OCA2: variants seen among roughly 807,000 people sequenced by gnomAD.
OCA2 encodes the protein P protein.
A neutral mutation model predicts 100.2 loss-of-function variants in OCA2; 77 were observed. That is an observed-to-expected ratio of 0.77 (90% CI 0.64 to 0.93). The LOEUF (loss-of-function observed/expected upper bound fraction) is 0.93, where lower values mean the gene tolerates loss of function less well. Among genes scored for constraint, OCA2 ranks in the 40% least tolerant of loss-of-function variants. The pLI is 0.00. For synonymous variants in OCA2, 432 were observed against 439.2 expected (o/e 0.98, Z 0.21); for missense variants, 1,062 against 1,089.1 (o/e 0.98, Z 0.35).
At chr15:28,085,867 C>T (rs930403318) in intron 1 of OCA2, among the ~76,000 whole-genome samples, 11 of 152,194 alleles carry the variant, frequency 7.2e-5, no homozygotes, top group Non-Finnish European at 1.3e-4. Flanking sequence ...AGCCTGCCCC[C>T]AGCCAAAGGA....
At position 27,845,179 on chromosome 15, in the gene OCA2, C is replaced by T. The variant is rs187389297; in HGVS notation, c.2339-127G>A. ...ATTATTATTTTATAGTCAAAGTGAC[C>T]GCTTTGTAAATATCTGGAAACACAC... is the stretch of plus-strand genomic sequence containing the variant. On this transcript the variant is annotated intron_variant, in intron 22 of 23. Coordinates refer to ENST00000354638, the MANE Select transcript of OCA2 (RefSeq NM_000275.3). 3,826 of 773,948 alleles carry T rather than the reference C, an allele frequency of 4.9e-3. 14 individuals carry two copies. The highest frequency in any genetic ancestry group is 7.3e-3 in the Middle Eastern group (32 of 4,408). The allele number at this position is 773,948 out of a possible 1,614,324, so 47.9% of individuals were successfully genotyped here.
chr15:27,988,294 C>G (rs1028115711), intron 11 of OCA2, among the ~76,000 whole-genome samples: 15 of 152,034 alleles, frequency 9.9e-5, no homozygotes, highest in Non-Finnish European at 2.2e-4. Context: ...GAAAAACGTG[C>G]TGAAGCCATT....
At chr15:28,029,341 T>C (rs1169708597) in intron 3 of OCA2, among the ~76,000 whole-genome samples, 2 of 152,096 alleles carry the variant, frequency 1.3e-5, no homozygotes, top group Non-Finnish European at 2.9e-5. Context: ...GACTGGAAAA[T>C]GCTCAGGTGT....
intron 21 of OCA2, among the ~76,000 whole-genome samples, chr15:27,859,988 C>G (rs903638653): frequency 7.2e-5 from 11 of 152,132 alleles, no homozygotes; most frequent in African/African-American, 2.7e-4. Context: ...ATTTTTTAAA[C>G]AAGAATTCCA....
At chr15:28,022,202 A>T (rs918234219) in intron 6 of OCA2, among the ~76,000 whole-genome samples, 4 of 152,138 alleles carry the variant, frequency 2.6e-5, no homozygotes, top group African/African-American at 9.7e-5. Flanking sequence ...CGCAAAAGAG[A>T]CGGGGGAGGA....
intron 1 of OCA2, 95 bp from the exon 2 acceptor site, chr15:28,081,990 C>G: frequency 2.9e-6 from 3 of 1,032,188 alleles, no homozygotes; most frequent in Non-Finnish European, 4.3e-6. Context: ...GTTGCTTCTT[C>G]GGAGGCGGTC....
chr15:27,831,349 G>C (rs1362886984), intron 23 of OCA2, among the ~76,000 whole-genome samples: 1 of 145,262 alleles, frequency 6.9e-6, no homozygotes, highest in African/African-American at 2.5e-5. Context: ...CTGGAATAAA[G>C]CTCAGTAATG....
At chr15:27,940,501 A>G (rs1191474672) in intron 18 of OCA2, among the ~76,000 whole-genome samples, 6 of 152,212 alleles carry the variant, frequency 3.9e-5, no homozygotes, top group Admixed American at 2.0e-4. Context: ...CTATGGTGGC[A>G]TCACAAAACG....
intron 21 of OCA2, among the ~76,000 whole-genome samples, chr15:27,870,231 G>A (rs562776084): frequency 8.5e-5 from 13 of 152,332 alleles, no homozygotes; most frequent in Admixed American, 2.6e-4. Context: ...TGTTCCCTGC[G>A]GGGAAGGGGG....
intron 18 of OCA2, 89 bp from the exon 19 acceptor site, chr15:27,926,343 C>G: frequency 7.1e-7 from 1 of 1,418,176 alleles, no homozygotes; most frequent in East Asian, 2.3e-5. Context: ...TTTTCTTTAT[C>G]AAGAATAATT....
intron 15 of OCA2, among the ~76,000 whole-genome samples, chr15:27,964,891 A>G (rs1005791267): frequency 2.3e-4 from 35 of 152,060 alleles, no homozygotes; most frequent in African/African-American, 8.5e-4. Flanking sequence ...TCCACTTCCA[A>G]CCATCACTCC....
chr15:28,019,952 G>T (rs1183131729), intron 6 of OCA2, among the ~76,000 whole-genome samples: 1 of 152,194 alleles, frequency 6.6e-6, no homozygotes, highest in African/African-American at 2.4e-5. Context: ...CTTTTCCAAG[G>T]AGCCTGCTGG....
chr15:27,961,404 A>C (rs527308125), intron 15 of OCA2, among the ~76,000 whole-genome samples: 1 of 152,322 alleles, frequency 6.6e-6, no homozygotes, highest in South Asian at 2.1e-4. Context: ...TTCCTCAAGG[A>C]TCTAGAACCA....
At chr15:27,843,803 C>T (rs1019059896) in intron 23 of OCA2, among the ~76,000 whole-genome samples, 1 of 152,152 alleles carries the variant, frequency 6.6e-6, no homozygotes, top group African/African-American at 2.4e-5. Flanking sequence ...TGTGTGGGTC[C>T]TCACCTGGGT....
intron 18 of OCA2, among the ~76,000 whole-genome samples, chr15:27,943,921 A>G (rs1382625161): frequency 6.6e-6 from 1 of 152,104 alleles, no homozygotes; most frequent in African/African-American, 2.4e-5. Flanking sequence ...CTGTCCTCCT[A>G]ACATGTATAA....
chr15:27,968,220 C>A lies in OCA2; in HGVS notation c.1504-1398G>T, dbSNP rs113210315. On this transcript the variant is annotated intron_variant, in intron 14 of 23. Coordinates refer to ENST00000354638, the MANE Select transcript of OCA2 (RefSeq NM_000275.3). ...GGCACCTCCTGAGCCCCCAGCAGGACAGATGAGGCTCTTATCCCCATGAAG... is the reference window on the plus strand; with the variant it reads ...GGCACCTCCTGAGCCCCCAGCAGGAAAGATGAGGCTCTTATCCCCATGAAG... Among the ~76,000 whole-genome samples the A allele has an allele frequency of 8.6e-3, 1,303 of 152,364 alleles. 25 individuals are homozygous for A. Among genetic ancestry groups the A allele is most frequent in the African/African-American group, 0.029 (1,216 of 41,580 alleles).
rs117959187 is a variant in OCA2 at position 27,765,316 on chromosome 15, C to T, written c.2433-9844G>A. ...TGGGCCTTGAAGCATGACAAGATAACGAGGGAATTCTTAACAGGACCCGTT... is the reference window on the plus strand; with the variant it reads ...TGGGCCTTGAAGCATGACAAGATAATGAGGGAATTCTTAACAGGACCCGTT... On this transcript the variant is annotated intron_variant, in intron 23 of 23. Transcript: ENST00000354638. Among the ~76,000 whole-genome samples the T allele has an allele frequency of 4.2e-3, 640 of 152,048 alleles. 1 individual carries two copies. Among genetic ancestry groups the T allele is most frequent in the Non-Finnish European group, 7.4e-3 (505 of 67,970 alleles).
intron 19 of OCA2, among the ~76,000 whole-genome samples, chr15:27,910,722 C>T (rs111891868): frequency 0.054 from 8,196 of 151,512 alleles, 763 homozygotes; most frequent in African/African-American, 0.19. Context: ...CTTTGGGAGG[C>T]CGAGGCAGGT....
intron 21 of OCA2, among the ~76,000 whole-genome samples, chr15:27,855,574 C>A (rs904300598): frequency 6.6e-6 from 1 of 152,246 alleles, no homozygotes; most frequent in Non-Finnish European, 1.5e-5. Context: ...ACACACTATG[C>A]CCAGAGCTTA....
Sources: allele counts gnomAD v4.1 joint callset (sites outside exome capture counted in the v4.1 genomes callset), GRCh38; gene constraint gnomAD v4.1.1; transcripts MANE v1.5; gene names NCBI Gene and HGNC (gene_info 2026-07-23, HGNC 2026-07-21).